The following ATF6 variants were observed in gnomAD, a reference collection of about 807,000 sequenced individuals.
ATF6 encodes the protein activating transcription factor 6.
ATF6 carries 53 observed loss-of-function variants against 83.6 expected under a neutral mutation model. The observed-to-expected ratio is 0.63, with a 90% CI of 0.51 to 0.80. The LOEUF is 0.80. Ranked by LOEUF, ATF6 falls within the 30% of genes least tolerant of loss-of-function variation. The pLI, the probability that ATF6 is intolerant of heterozygous loss-of-function variation, is 0.00. For synonymous variants in ATF6, 288 were observed against 285.8 expected (o/e 1.01, Z -0.08); for missense variants, 744 against 797.9 (o/e 0.93, Z 0.81).
chr1:161,796,503 G>T (rs1278949182), intron 6 of ATF6, among the ~76,000 whole-genome samples: 1 of 152,192 alleles, frequency 6.6e-6, no homozygotes, highest in Non-Finnish European at 1.5e-5. Flanking sequence ...ATTTTGCAAA[G>T]CATCTGCAAA....
chr1:161,947,103 T>C (rs1688761998), intron 15 of ATF6, among the ~76,000 whole-genome samples: 1 of 152,180 alleles, frequency 6.6e-6, no homozygotes, highest in Non-Finnish European at 1.5e-5. Flanking sequence ...TCATGACCCT[T>C]GTTGAAAACA....
intron 10 of ATF6, among the ~76,000 whole-genome samples, chr1:161,850,867 A>G (rs1395400103): frequency 6.6e-6 from 1 of 152,188 alleles, no homozygotes; most frequent in East Asian, 1.9e-4. Flanking sequence ...TGAAGAGCAT[A>G]AATAACAGTA....
chr1:161,882,364 T>C (rs1460565833), intron 14 of ATF6, among the ~76,000 whole-genome samples: 1 of 152,102 alleles, frequency 6.6e-6, no homozygotes, highest in South Asian at 2.1e-4. Flanking sequence ...GTCACAGTGC[T>C]AGGAAATACA....
At chr1:161,871,942 A>G (rs1304108750) in intron 14 of ATF6, among the ~76,000 whole-genome samples, 1 of 151,544 alleles carries the variant, frequency 6.6e-6, no homozygotes, top group Non-Finnish European at 1.5e-5. Context: ...GAGTCAGTGT[A>G]TTTTAAGAGT....
chr1:161,865,332 G>A (rs976536297), intron 14 of ATF6, among the ~76,000 whole-genome samples: 5 of 151,976 alleles, frequency 3.3e-5, no homozygotes, highest in Non-Finnish European at 7.4e-5. Context: ...GCTAATTTTT[G>A]TGTTTTTAGT....
intron 1 of ATF6, among the ~76,000 whole-genome samples, chr1:161,769,419 G>A (rs1467864696): frequency 1.3e-5 from 2 of 152,082 alleles, no homozygotes; most frequent in Admixed American, 6.6e-5. Flanking sequence ...TATTAACTAA[G>A]CCCATCATTT....
chr1:161,773,140 A>ATTTTTTTTTTTTTTTT lies in ATF6; in HGVS notation c.83-5091_83-5090insTTTTTTTTTTTTTTTT, dbSNP rs759769528. ...GCCACCATGCCCGGCTACTTTTTGT[A>ATTTTTTTTTTTTTTTT]TTTTTTTTTTTTTGAGACGGAGTCT... On this transcript the variant is annotated intron_variant, in intron 1 of 15. Transcript: ENST00000367942. 1.2e-3 allele frequency among the ~76,000 whole-genome samples: 159 copies of ATTTTTTTTTTTTTTTT among 130,028 alleles called. 2 individuals carry two copies. Among genetic ancestry groups the ATTTTTTTTTTTTTTTT allele is most frequent in the African/African-American group, 4.0e-3 (140 of 34,626 alleles). 85.3% of individuals were successfully genotyped at this position (130,028 alleles called of 152,430 possible).
chr1:161,827,890 T>C (rs1038121949), intron 9 of ATF6, among the ~76,000 whole-genome samples: 9 of 152,066 alleles, frequency 5.9e-5, no homozygotes, highest in African/African-American at 1.7e-4. Flanking sequence ...CTTATCGATA[T>C]TTTGTGGATA....
chr1:161,864,294 C>G (rs566446244), intron 14 of ATF6, among the ~76,000 whole-genome samples: 1 of 152,224 alleles, frequency 6.6e-6, no homozygotes, highest in African/African-American at 2.4e-5. Context: ...AGCAGGATGC[C>G]AAACCCACTT....
At chr1:161,911,861 CTCTCAGTATCTTGTG>C (rs1558021831) in intron 14 of ATF6, among the ~76,000 whole-genome samples, 1 of 152,156 alleles carries the variant, frequency 6.6e-6, no homozygotes, top group African/African-American at 2.4e-5. Flanking sequence ...AGGGGAGATA[CTCTCAGTATCTTGTG>C]ACATTATCTA....
chr1:161,798,193 C>A (rs1024098893), intron 6 of ATF6, among the ~76,000 whole-genome samples: 1 of 152,130 alleles, frequency 6.6e-6, no homozygotes, highest in Non-Finnish European at 1.5e-5. Flanking sequence ...TGTACAGGCT[C>A]AAATTATAAA....
chr1:161,924,940 A>G (rs1688281414), intron 15 of ATF6, among the ~76,000 whole-genome samples: 1 of 152,194 alleles, frequency 6.6e-6, no homozygotes. Context: ...TCTGTGGCCA[A>G]CCAGTTTAGA....
chr1:161,829,975 A>T (rs939373797), intron 9 of ATF6, among the ~76,000 whole-genome samples: 3 of 152,180 alleles, frequency 2.0e-5, no homozygotes, highest in African/African-American at 7.2e-5. Flanking sequence ...AGGAGAAAGA[A>T]ATAAAGGGTA....
At chr1:161,851,215 G>A (rs1322793761) in intron 10 of ATF6, among the ~76,000 whole-genome samples, 1 of 108,166 alleles carries the variant, frequency 9.2e-6, no homozygotes, top group Non-Finnish European at 1.8e-5. Context: ...TCATAGAATT[G>A]TGTCTCACCC....
chr1:161,917,855 T>C (rs1316007451), intron 15 of ATF6, among the ~76,000 whole-genome samples: 1 of 152,206 alleles, frequency 6.6e-6, no homozygotes, highest in Admixed American at 6.5e-5. Flanking sequence ...TGGAGCAATT[T>C]GGATTTCAGA....
intron 1 of ATF6, among the ~76,000 whole-genome samples, chr1:161,771,717 G>A (rs573337754): frequency 6.6e-6 from 1 of 152,222 alleles, no homozygotes; most frequent in Non-Finnish European, 1.5e-5. Flanking sequence ...GGGGTCAAAG[G>A]ATCCTCCTGC....
chr1:161,924,721 A>T (rs1488186247), intron 15 of ATF6, among the ~76,000 whole-genome samples: 3 of 152,200 alleles, frequency 2.0e-5, no homozygotes, highest in Non-Finnish European at 4.4e-5. Context: ...CCTAGGACCT[A>T]TCTCTTTCTT....
intron 9 of ATF6, among the ~76,000 whole-genome samples, chr1:161,845,767 C>A: frequency 7.1e-6 from 1 of 140,440 alleles, no homozygotes. Context: ...CAGAGTGAGA[C>A]CCTGTCTCAA....
At chr1:161,827,124 G>T (rs1176403017) in intron 9 of ATF6, among the ~76,000 whole-genome samples, 2 of 151,904 alleles carry the variant, frequency 1.3e-5, no homozygotes, top group Non-Finnish European at 2.9e-5. Context: ...GTAGAGACAG[G>T]GTTTCACCAT....
Sources: gnomAD v4.1 joint callset for allele counts (sites outside exome capture counted in the v4.1 genomes callset) on GRCh38, gnomAD v4.1.1 for gene constraint, MANE v1.5 for transcripts, NCBI Gene and HGNC (gene_info 2026-07-23, HGNC 2026-07-21) for gene names.